Variants in PHLDB2 observed in about 807,000 individuals in gnomAD.
PHLDB2 encodes the protein pleckstrin homology-like domain family B member 2.
A neutral mutation model predicts 123.6 loss-of-function variants in PHLDB2; 71 were observed. The observed-to-expected ratio is 0.57, with a 90% CI of 0.47 to 0.70. PHLDB2 has a LOEUF of 0.70. Among genes scored for constraint, PHLDB2 ranks in the 30% least tolerant of loss-of-function variants. PHLDB2 has a pLI of 0.00. For missense variants in PHLDB2, 1,446 were observed against 1,519.5 expected (o/e 0.95, Z 0.80); for synonymous variants, 547 against 541.6 (o/e 1.01, Z -0.14).
intron 1 of PHLDB2, among the ~76,000 whole-genome samples, chr3:111,734,837 C>G (rs1941632636): frequency 6.6e-6 from 1 of 152,158 alleles, no homozygotes; most frequent in South Asian, 2.1e-4. Context: ...GTAAGCAAGG[C>G]TGACTAATAC....
intron 8 of PHLDB2, among the ~76,000 whole-genome samples, chr3:111,942,492 A>G (rs1193252734): frequency 6.6e-6 from 1 of 152,220 alleles, no homozygotes; most frequent in Non-Finnish European, 1.5e-5. Flanking sequence ...GTTGGCCAAT[A>G]TGCACATTCC....
intron 1 of PHLDB2, among the ~76,000 whole-genome samples, chr3:111,821,173 A>T (rs2062360005): frequency 1.3e-5 from 2 of 152,178 alleles, no homozygotes; most frequent in African/African-American, 4.8e-5. Context: ...CCAAGATGAA[A>T]CCCAAAGAAA....
chr3:111,871,378 G>A (rs1261355188), intron 1 of PHLDB2, among the ~76,000 whole-genome samples: 1 of 152,124 alleles, frequency 6.6e-6, no homozygotes, highest in Non-Finnish European at 1.5e-5. Flanking sequence ...CCGGCATGGT[G>A]GCTTATGCCT....
At chr3:111,892,483 A>T (rs2066564324) in intron 2 of PHLDB2, among the ~76,000 whole-genome samples, 1 of 152,156 alleles carries the variant, frequency 6.6e-6, no homozygotes, top group African/African-American at 2.4e-5. Flanking sequence ...CCCATTCTTG[A>T]CATTTATTCT....
intron 1 of PHLDB2, among the ~76,000 whole-genome samples, chr3:111,810,694 A>G (rs2061799118): frequency 6.6e-6 from 1 of 152,228 alleles, no homozygotes; most frequent in African/African-American, 2.4e-5. Context: ...TATTCCGTCC[A>G]TAGCAATGAT....
chr3:111,892,305 C>T (rs1304724706), intron 2 of PHLDB2, among the ~76,000 whole-genome samples: 8 of 152,110 alleles, frequency 5.3e-5, no homozygotes, highest in Admixed American at 4.6e-4. Flanking sequence ...GTGTTTTGTC[C>T]TTATAGTTCC....
chr3:111,819,399 A>G (rs1576727925), intron 1 of PHLDB2, among the ~76,000 whole-genome samples: 1 of 152,228 alleles, frequency 6.6e-6, no homozygotes, highest in Admixed American at 6.5e-5. Context: ...ACCCATCTGA[A>G]TTCAATGCCA....
intron 1 of PHLDB2, among the ~76,000 whole-genome samples, chr3:111,844,997 G>A (rs1034415213): frequency 6.6e-6 from 1 of 152,238 alleles, no homozygotes; most frequent in South Asian, 2.1e-4. Context: ...CAGGAATCCG[G>A]ACTTAAAGTC....
intron 2 of PHLDB2, among the ~76,000 whole-genome samples, chr3:111,892,582 A>G (rs1225267616): frequency 6.6e-6 from 1 of 152,248 alleles, no homozygotes; most frequent in Admixed American, 6.5e-5. Context: ...CTCTATACAA[A>G]AAATGAAGAT....
chr3:111,970,763 T>C (rs2072120226), intron 16 of PHLDB2, among the ~76,000 whole-genome samples: 1 of 152,188 alleles, frequency 6.6e-6, no homozygotes, highest in Non-Finnish European at 1.5e-5. Context: ...TCATACCAGA[T>C]ATTATGAAAA....
At chr3:111,745,487 G>C (rs1044835175) in intron 1 of PHLDB2, among the ~76,000 whole-genome samples, 1 of 152,172 alleles carries the variant, frequency 6.6e-6, no homozygotes, top group Non-Finnish European at 1.5e-5. Flanking sequence ...AAAAGGCCAG[G>C]TGTGGTGGCT....
At chr3:111,797,093 TCTC>T (rs1471987999) in intron 1 of PHLDB2, among the ~76,000 whole-genome samples, 1 of 152,182 alleles carries the variant, frequency 6.6e-6, no homozygotes, top group East Asian at 1.9e-4. Context: ...CTAAATGTGA[TCTC>T]CTCAAAGAAG....
intron 1 of PHLDB2, among the ~76,000 whole-genome samples, chr3:111,868,398 C>T (rs56343172): frequency 0.11 from 17,015 of 152,064 alleles, 1,016 homozygotes; most frequent in South Asian, 0.14. Flanking sequence ...AATTGGTATG[C>T]GCCCTCAGTC....
chr3:111,823,657 GC>G (rs1168749659), intron 1 of PHLDB2, among the ~76,000 whole-genome samples: 1 of 152,134 alleles, frequency 6.6e-6, no homozygotes, highest in East Asian at 1.9e-4. Flanking sequence ...TAAATTCACA[GC>G]AAACTTAAAT....
Position 111,913,488 on chromosome 3 carries a change from C to T in PHLDB2, c.1505C>T (p.Pro502Leu), listed in dbSNP as rs944817910. The change falls in exon 3 of 18, where the codon CCT (proline) becomes CTT (leucine). Residue 502 changes from proline to leucine, a missense_variant. Physicochemically the swap from Pro to Leu is moderately conservative, Grantham distance 98. Coordinates refer to ENST00000431670, the MANE Select transcript of PHLDB2 (RefSeq NM_001134438.2). ...ESVFEEALMS[P>L]DTRYRCHRKD... ...GTGTTTGAGGAAGCCCTCATGAGCCCTGACACAAGATACAGGTGCCACCGG... is the reference window on the plus strand; with the variant it reads ...GTGTTTGAGGAAGCCCTCATGAGCCTTGACACAAGATACAGGTGCCACCGG... 6.8e-6 allele frequency: 11 copies of T among 1,614,110 alleles called. No homozygotes were observed. The highest frequency in any genetic ancestry group is 9.3e-6 in the Non-Finnish European group (11 of 1,180,002).
At chr3:111,795,524 G>A (rs2061114891) in intron 1 of PHLDB2, among the ~76,000 whole-genome samples, 1 of 152,138 alleles carries the variant, frequency 6.6e-6, no homozygotes, top group Admixed American at 6.6e-5. Context: ...AGCAGAACTA[G>A]GTCCCTACAA....
At chr3:111,880,366 G>C (rs893110201) in intron 1 of PHLDB2, among the ~76,000 whole-genome samples, 1 of 152,124 alleles carries the variant, frequency 6.6e-6, no homozygotes, top group South Asian at 2.1e-4. Flanking sequence ...GGAGTTCTGA[G>C]TGGCCAGAGG....
At chr3:111,853,367 A>AT (rs1396188700) in intron 2 of PHLDB2, among the ~76,000 whole-genome samples, 2 of 152,202 alleles carry the variant, frequency 1.3e-5, no homozygotes, top group Admixed American at 1.3e-4. Flanking sequence ...AAGTACATTC[A>AT]TTTTTTAGAG....
In PHLDB2 at chr3:111,733,470, T is replaced by C. The variant is rs529305699; in HGVS notation, c.-49+767T>C. On this transcript the variant is annotated intron_variant, in intron 1 of 17. Coordinates refer to the PHLDB2 transcript ENST00000393923. The stretch of plus-strand genomic sequence containing the variant: ...AAGTAAGTTTTTCTCCTTCCGAGAA[T>C]AGTAAATATCCCAAGACCCCCCTTC... Among the ~76,000 whole-genome samples the C allele has an allele frequency of 2.8e-4, 43 of 152,176 alleles. 2 individuals carry two copies. The highest frequency in any genetic ancestry group is 2.1e-4 in the South Asian group (1 of 4,826).
Sources: allele counts gnomAD v4.1 joint callset (sites outside exome capture counted in the v4.1 genomes callset), GRCh38; gene constraint gnomAD v4.1.1; transcripts MANE v1.5; gene names NCBI Gene and HGNC (gene_info 2026-07-23, HGNC 2026-07-21).